MYO18B: variants seen among roughly 807,000 people sequenced by gnomAD.
MYO18B encodes the protein unconventional myosin-XVIIIb.
Under a neutral mutation model 273.0 loss-of-function variants are expected in MYO18B, and 204 were observed. The ratio of observed to expected loss-of-function variants is 0.75; its 90% confidence interval spans 0.67 to 0.84. The LOEUF (loss-of-function observed/expected upper bound fraction) is 0.84, where lower values mean the gene tolerates loss of function less well. MYO18B is among the 40% of genes least tolerant of loss of function. The probability of loss-of-function intolerance (pLI) is 0.00; values close to 1 mark genes in which losing one functional copy is unlikely to be tolerated. For missense variants in MYO18B, 3,212 were observed against 3,287.6 expected (o/e 0.98, Z 0.56); for synonymous variants, 1,330 against 1,305.7 (o/e 1.02, Z -0.40).
intron 30 of MYO18B, chr22:25,903,171 G>T (rs959947029): frequency 5.0e-6 from 1 of 199,804 alleles, no homozygotes; most frequent in Non-Finnish European, 1.0e-5. Flanking sequence ...GAGCGCTTTA[G>T]CCTGGCGTTC....
At chr22:25,975,364 C>A (rs1427210002) in intron 39 of MYO18B, among the ~76,000 whole-genome samples, 4 of 152,158 alleles carry the variant, frequency 2.6e-5, no homozygotes, top group Non-Finnish European at 5.9e-5. Flanking sequence ...TTATGTTCCG[C>A]CGCTGTGAGC....
chr22:25,791,046 A>T (rs1401951781), intron 11 of MYO18B, among the ~76,000 whole-genome samples: 3 of 152,228 alleles, frequency 2.0e-5, no homozygotes, highest in Admixed American at 6.5e-5. Flanking sequence ...ATCTTATTAG[A>T]TGCCAGGTAT....
chr22:26,024,747 A>G (rs2147005685), intron 42 of MYO18B, among the ~76,000 whole-genome samples: 1 of 152,296 alleles, frequency 6.6e-6, no homozygotes, highest in South Asian at 2.1e-4. Flanking sequence ...TGGAGGAGAT[A>G]GGTTTGTGGG....
At chr22:25,797,579 A>G (rs980730419) in intron 11 of MYO18B, among the ~76,000 whole-genome samples, 5 of 152,074 alleles carry the variant, frequency 3.3e-5, no homozygotes, top group African/African-American at 1.2e-4. Context: ...AGCCCTTTTC[A>G]TACTTAGTTG....
In MYO18B at chr22:25,860,801, T is replaced by C. The variant is rs2090709435; in HGVS notation, c.3886-7519T>C. ...GTTCAAAGTGTGCTTATAAAAAACA[T>C]GTATTCTGTGGTTGTTGAGTAGTCT... On this transcript the variant is annotated intron_variant, in intron 21 of 43. Transcript: ENST00000335473. Among the ~76,000 whole-genome samples, 4 of 152,166 alleles carry C rather than the reference T, an allele frequency of 2.6e-5. No homozygotes were observed. The South Asian group carries it at 8.3e-4, about 32-fold the overall frequency.
At position 25,876,343 on chromosome 22, in the gene MYO18B, G is replaced by T. The variant is rs776834472; in HGVS notation, c.4224+11G>T. 1.2e-6 allele frequency: 2 copies of T among 1,601,722 alleles called. No homozygotes were observed. Among genetic ancestry groups the T allele is most frequent in the Non-Finnish European group, 1.7e-6 (2 of 1,172,160 alleles). ...CTCCGAGCCAAGGAGGTCAGTCTATGTGGCAGGCAGGGTGCTGGGTGGCTA... is the reference window on the plus strand; with the variant it reads ...CTCCGAGCCAAGGAGGTCAGTCTATTTGGCAGGCAGGGTGCTGGGTGGCTA... On this transcript the variant is annotated intron_variant, in intron 24 of 43. Transcript: ENST00000335473.
At position 25,876,241 on chromosome 22, in the gene MYO18B, C is replaced by T. The variant is rs1159353100; in HGVS notation, c.4133C>T (p.Ala1378Val). The T allele has an allele frequency of 1.9e-6, 3 of 1,613,560 alleles. No individual in the cohort carries two copies. In the South Asian group the frequency reaches 3.3e-5, roughly 18 times the overall value. ...CIQKNVAVFL[A>V]VKDWPWWQLL... ...CAGAAGAATGTGGCTGTGTTCCTCG[C>T]AGTCAAGGACTGGCCATGGTGGCAG... Residue 1378 changes from alanine (A) to valine (V), a missense_variant, in exon 24 of 44, where the codon GCA becomes GTA. By Grantham distance (64) the Ala-to-Val change is moderately conservative. Coordinates refer to ENST00000335473, the MANE Select transcript of MYO18B (RefSeq NM_032608.7).
intron 12 of MYO18B, among the ~76,000 whole-genome samples, chr22:25,802,422 C>T (rs539135180): frequency 1.3e-5 from 2 of 152,228 alleles, no homozygotes; most frequent in South Asian, 4.2e-4. Flanking sequence ...GCAATTAACT[C>T]AATCTCCAGC....
chr22:25,983,125 G>A (rs1259167455), intron 39 of MYO18B, among the ~76,000 whole-genome samples: 1 of 152,268 alleles, frequency 6.6e-6, no homozygotes, highest in East Asian at 1.9e-4. Flanking sequence ...AATCCCAACA[G>A]TGGGAGGCAG....
intron 8 of MYO18B, among the ~76,000 whole-genome samples, chr22:25,779,515 T>C (rs941516346): frequency 2.6e-5 from 4 of 152,158 alleles, no homozygotes; most frequent in Admixed American, 6.5e-5. Context: ...AGAGATACAG[T>C]GGGAAGAGGC....
At chr22:25,871,392 A>C (rs775280812) in intron 22 of MYO18B, among the ~76,000 whole-genome samples, 2 of 152,248 alleles carry the variant, frequency 1.3e-5, no homozygotes, top group Admixed American at 6.5e-5. Context: ...CTTATCAAGC[A>C]GGATAACATT....
At chr22:25,754,415 T>C (rs1476410697) in intron 1 of MYO18B, among the ~76,000 whole-genome samples, 1 of 152,096 alleles carries the variant, frequency 6.6e-6, no homozygotes, top group East Asian at 1.9e-4. Flanking sequence ...ATGTATTCTA[T>C]GAGACAGGTG....
Position 25,909,447 on chromosome 22 carries a change from C to A in MYO18B, c.5259+1015C>A, listed in dbSNP as rs142903746. ...GCCTTGTATTTCTCTCCATCCTAAA[C>A]GAAATTTCTGAAACGAACTTGCTTT... On this transcript the variant is annotated intron_variant, in intron 32 of 43. Transcript: ENST00000335473. Among the ~76,000 whole-genome samples, 9 of 152,310 alleles carry A rather than the reference C, an allele frequency of 5.9e-5. No homozygotes were observed. The East Asian group carries it at 1.7e-3, about 29-fold the overall frequency.
In MYO18B at chr22:25,989,424, A is replaced by G. The variant is rs145929972; in HGVS notation, c.6157-2939A>G. 3.7e-3 allele frequency among the ~76,000 whole-genome samples: 570 copies of G among 152,248 alleles called. 2 individuals are homozygous for G. Among genetic ancestry groups the G allele is most frequent in the African/African-American group, 0.013 (544 of 41,540 alleles). ...TTCTGCCTCTGTGTCTTACAAAGAT[A>G]CAGGTGCCACATCTGGGAGAAAGTG... On this transcript the variant is annotated intron_variant, in intron 39 of 43. Coordinates refer to ENST00000335473, the MANE Select transcript of MYO18B (RefSeq NM_032608.7).
intron 2 of MYO18B, 163 bp from the exon 3 acceptor site, chr22:25,763,068 A>G (rs745646318): frequency 1.7e-5 from 14 of 813,834 alleles, no homozygotes; most frequent in Non-Finnish European, 2.7e-5. Context: ...GACCCCCCTG[A>G]GTCGTGCTGG....
At chr22:26,062,082 A>G in the MYO18B span, among the ~76,000 whole-genome samples, 1 of 152,214 alleles carries the variant, frequency 6.6e-6, no homozygotes, top group Non-Finnish European at 1.5e-5. Context: ...CTTAGGATCC[A>G]TGAAACATTA....
At chr22:25,805,510 C>T (rs2088430845) in intron 12 of MYO18B, among the ~76,000 whole-genome samples, 1 of 152,168 alleles carries the variant, frequency 6.6e-6, no homozygotes, top group African/African-American at 2.4e-5. Flanking sequence ...CCCAATTGGA[C>T]ATAATCTCTG....
intron 33 of MYO18B, among the ~76,000 whole-genome samples, chr22:25,913,474 C>T (rs1232964950): frequency 6.6e-6 from 1 of 152,186 alleles, no homozygotes; most frequent in Non-Finnish European, 1.5e-5. Flanking sequence ...TGCCATTTTC[C>T]TGCCTCAGCC....
chr22:26,032,622 A>G (rs1481597795), downstream of MYO18B, among the ~76,000 whole-genome samples: 2 of 151,026 alleles, frequency 1.3e-5, no homozygotes, highest in African/African-American at 4.9e-5. Context: ...CCCGGGTTCA[A>G]GCAATTCTCT....
Sources: gnomAD v4.1 joint callset for allele counts (sites outside exome capture counted in the v4.1 genomes callset) on GRCh38, gnomAD v4.1.1 for gene constraint, MANE v1.5 for transcripts, NCBI Gene and HGNC (gene_info 2026-07-23, HGNC 2026-07-21) for gene names.